The following DCC variants were observed in gnomAD, a reference collection of about 807,000 sequenced individuals.
DCC encodes DCC netrin 1 receptor, also known as netrin receptor DCC.
A neutral mutation model predicts 172.5 loss-of-function variants in DCC; 58 were observed. The ratio of observed to expected loss-of-function variants is 0.34; its 90% confidence interval spans 0.27 to 0.42. The LOEUF (loss-of-function observed/expected upper bound fraction) is 0.42. Among genes scored for constraint, DCC ranks in the 10% least tolerant of loss-of-function variants. The pLI is 1.00. For synonymous variants in DCC, 709 were observed against 644.5 expected (o/e 1.10, Z -1.52); for missense variants, 1,740 against 1,791.0 (o/e 0.97, Z 0.51).
intron 12 of DCC, among the ~76,000 whole-genome samples, chr18:53,263,343 G>C (rs2056628455): frequency 6.6e-6 from 1 of 152,114 alleles, no homozygotes; most frequent in South Asian, 2.1e-4. Context: ...GTAGAGACAG[G>C]GTTTTGCTAC....
At chr18:53,303,909 C>T (rs1177814243) in intron 12 of DCC, among the ~76,000 whole-genome samples, 1 of 152,102 alleles carries the variant, frequency 6.6e-6, no homozygotes, top group East Asian at 1.9e-4. Context: ...ATTTTATTGC[C>T]AGATGGAGGT....
intron 15 of DCC, among the ~76,000 whole-genome samples, chr18:53,352,308 G>A (rs560271328): frequency 1.3e-5 from 2 of 152,216 alleles, no homozygotes; most frequent in East Asian, 3.9e-4. Context: ...CCAACTTGGA[G>A]GAAAGAGACA....
At chr18:52,825,000 G>A (rs753163031) in intron 2 of DCC, among the ~76,000 whole-genome samples, 1 of 149,080 alleles carries the variant, frequency 6.7e-6, no homozygotes, top group Non-Finnish European at 1.5e-5. Context: ...ACTAAGACCA[G>A]GGATATCTCC....
intron 5 of DCC, among the ~76,000 whole-genome samples, chr18:52,943,343 T>C (rs1322676154): frequency 6.6e-6 from 1 of 152,200 alleles, no homozygotes; most frequent in East Asian, 1.9e-4. Context: ...AATTTTCCTT[T>C]GATTTTTCAT....
At chr18:52,544,454 T>TCTTTC (rs1555695599) in intron 1 of DCC, among the ~76,000 whole-genome samples, 7 of 150,562 alleles carry the variant, frequency 4.6e-5, no homozygotes, top group African/African-American at 9.7e-5. Flanking sequence ...TTTCTTTCTT[T>TCTTTC]TTTTTTTTTG....
chr18:53,344,440 C>CTTTTTTTTTTTTTTTTTTT (rs71175582), intron 15 of DCC, among the ~76,000 whole-genome samples: 2 of 97,064 alleles, frequency 2.1e-5, no homozygotes, highest in South Asian at 4.0e-4. Context: ...TTTCGTTTTT[C>CTTTTTTTTTTTTTTTTTTT]TTTTTTTTTT....
intron 2 of DCC, among the ~76,000 whole-genome samples, chr18:52,899,499 A>G (rs144063526): frequency 9.8e-4 from 148 of 151,460 alleles, no homozygotes; most frequent in African/African-American, 3.5e-3. Context: ...GGTTACAGAC[A>G]TGTACCACCA....
At chr18:53,266,564 A>T (rs1416643993) in intron 12 of DCC, among the ~76,000 whole-genome samples, 1 of 152,104 alleles carries the variant, frequency 6.6e-6, no homozygotes, top group Non-Finnish European at 1.5e-5. Context: ...TGTAATTCAC[A>T]TGCCATAAAA....
At chr18:53,401,477 T>C (rs892475561) in intron 18 of DCC, among the ~76,000 whole-genome samples, 1 of 152,198 alleles carries the variant, frequency 6.6e-6, no homozygotes, top group Non-Finnish European at 1.5e-5. Context: ...GATTGATGTC[T>C]CCTCTATTTG....
At chr18:53,157,690 A>G (rs2054765844) in intron 8 of DCC, among the ~76,000 whole-genome samples, 178 bp downstream of exon 8, 1 of 152,230 alleles carries the variant, frequency 6.6e-6, no homozygotes, top group African/African-American at 2.4e-5. Flanking sequence ...TGTTGTTGAC[A>G]CAGTCTAATG....
chr18:52,483,308 C>A (rs12457422), intron 1 of DCC, among the ~76,000 whole-genome samples: 3,931 of 152,166 alleles, frequency 0.026, 155 homozygotes, highest in East Asian at 0.1. Context: ...GTTGGAGGGC[C>A]ATGCAGCCAA....
At chr18:52,753,004 T>C (rs1313360946) in intron 2 of DCC, among the ~76,000 whole-genome samples, 2 of 152,010 alleles carry the variant, frequency 1.3e-5, no homozygotes, top group African/African-American at 4.8e-5. Context: ...CACACACATA[T>C]ATATATATAT....
intron 8 of DCC, among the ~76,000 whole-genome samples, chr18:53,167,902 T>C (rs1407321851): frequency 2.0e-5 from 3 of 152,128 alleles, no homozygotes; most frequent in Non-Finnish European, 4.4e-5. Flanking sequence ...TGGGTTTCAT[T>C]TGAAACAAGC....
At chr18:52,910,505 A>G (rs2039956867) in intron 3 of DCC, among the ~76,000 whole-genome samples, 2 of 152,114 alleles carry the variant, frequency 1.3e-5, no homozygotes, top group African/African-American at 2.4e-5. Flanking sequence ...GCATTTTTTA[A>G]AATATCAATA....
chr18:53,482,282 G>A (rs187493394), intron 25 of DCC, among the ~76,000 whole-genome samples: 1 of 152,194 alleles, frequency 6.6e-6, no homozygotes, highest in Admixed American at 6.6e-5. Context: ...TATTCTATCT[G>A]ATGTCACAAA....
chr18:52,607,006 GT>G (rs1288401523), intron 1 of DCC, among the ~76,000 whole-genome samples: 3 of 152,114 alleles, frequency 2.0e-5, no homozygotes, highest in Non-Finnish European at 4.4e-5. Context: ...TTTCACGCAT[GT>G]TGAAATGCTA....
At chr18:52,859,866 T>A (rs1409003350) in intron 2 of DCC, among the ~76,000 whole-genome samples, 1 of 152,120 alleles carries the variant, frequency 6.6e-6, no homozygotes, top group Non-Finnish European at 1.5e-5. Context: ...ATTGGTAGCT[T>A]TGGAGAAATT....
chr18:52,647,611 C>G (rs545303102), intron 1 of DCC, among the ~76,000 whole-genome samples: 94 of 152,320 alleles, frequency 6.2e-4, no homozygotes, highest in African/African-American at 2.2e-3. Context: ...CACCGTAGGT[C>G]TGGTTCAATT....
chr18:52,397,646 G>T (rs920795494), intron 1 of DCC, among the ~76,000 whole-genome samples: 9 of 152,058 alleles, frequency 5.9e-5, no homozygotes, highest in Admixed American at 2.0e-4. Context: ...TTCCGAATCT[G>T]CCCACAGTTG....
Sources: gnomAD v4.1 joint callset for allele counts (sites outside exome capture counted in the v4.1 genomes callset) on GRCh38, gnomAD v4.1.1 for gene constraint, MANE v1.5 for transcripts, NCBI Gene and HGNC (gene_info 2026-07-23, HGNC 2026-07-21) for gene names.